Variants in CCNI observed in about 807,000 individuals in gnomAD.
CCNI encodes cyclin I.
In CCNI, 14 loss-of-function variants were observed where a neutral mutation model predicts 34.1. The ratio of observed to expected loss-of-function variants is 0.41; its 90% CI spans 0.27 to 0.64. The LOEUF (loss-of-function observed/expected upper bound fraction) is 0.64. Among genes scored for constraint, CCNI ranks in the 30% least tolerant of loss-of-function variants. The pLI is 0.31. For missense variants in CCNI, 385 were observed against 440.5 expected (o/e 0.87, Z 1.13); for synonymous variants, 154 against 158.4 (o/e 0.97, Z 0.21).
At chr4:77,063,177 G>A (rs1286849338) in intron 2 of CCNI, among the ~76,000 whole-genome samples, 1 of 152,054 alleles carries the variant, frequency 6.6e-6, no homozygotes, top group Admixed American at 6.6e-5. Flanking sequence ...AATTAAACAA[G>A]AATTATGTGA....
chr4:77,056,690 T>C (rs771273853), intron 3 of CCNI, among the ~76,000 whole-genome samples: 7 of 150,936 alleles, frequency 4.6e-5, no homozygotes, highest in African/African-American at 9.7e-5. Flanking sequence ...CCTGGGTTCA[T>C]GCCATTCTCC....
At chr4:77,053,223 A>C (rs1727987858) in intron 6 of CCNI, among the ~76,000 whole-genome samples, 1 of 152,152 alleles carries the variant, frequency 6.6e-6, no homozygotes, top group Admixed American at 6.5e-5. Flanking sequence ...AAAGGGTTCC[A>C]CTTCTAAAAC....
chr4:77,058,689 G>T, intron 2 of CCNI, 54 bp from the exon 3 acceptor site: 4 of 1,516,164 alleles, frequency 2.6e-6, no homozygotes, highest in Non-Finnish European at 3.6e-6. Flanking sequence ...ATCATCAAGA[G>T]TATGTTTAGA....
chr4:77,048,224 T>C lies in CCNI; in HGVS notation c.1129A>G (p.Met377Val). 1 of 1,612,536 alleles carries C rather than the reference T, an allele frequency of 6.2e-7. No homozygotes were observed. The highest frequency in any genetic ancestry group is 8.5e-7 in the Non-Finnish European group (1 of 1,179,032). Residue 377 changes from methionine (M) to valine (V), a missense_variant, in exon 7 of 7, where the codon ATG becomes GTG. Met to Val is a conservative substitution (Grantham distance 21). This residue lies in a region of CCNI where 250 missense variants were observed against 248.7 expected (regional missense o/e 1.01). Coordinates refer to ENST00000237654, the MANE Select transcript of CCNI (RefSeq NM_006835.3). The part of the protein sequence containing the change: ...PCPPLQPVSV[M>V] ...AAAGGTAGCACTTGTTGAAACTACATGACAGAAACAGGCTGCAAAGGTGGA... is the reference window on the plus strand; with the variant it reads ...AAAGGTAGCACTTGTTGAAACTACACGACAGAAACAGGCTGCAAAGGTGGA...
chr4:77,055,454 T>A, intron 5 of CCNI, 74 bp from the exon 6 acceptor site: 28 of 907,892 alleles, frequency 3.1e-5, no homozygotes, highest in Non-Finnish European at 4.6e-5. Flanking sequence ...TGATGCAACC[T>A]ATTCAATTTC....
Position 77,048,664 on chromosome 4 carries a change from T to G in CCNI, c.691-2A>C. Reference sequence around the variant, plus strand: ...ATGGATCAACTGGGAGCTATCCATCTGGGCCAGGAAAAAAAAAAAGCCACA... The same window carrying G: ...ATGGATCAACTGGGAGCTATCCATCGGGGCCAGGAAAAAAAAAAAGCCACA... On this transcript the variant is annotated splice_acceptor_variant, in intron 6 of 6. Transcript: ENST00000237654. LOFTEE classifies it high-confidence loss of function. The G allele has an allele frequency of 6.6e-7, 1 of 1,511,654 alleles. No homozygotes were observed. Among genetic ancestry groups the G allele is most frequent in the Non-Finnish European group, 8.8e-7 (1 of 1,131,514 alleles). 93.6% of individuals were successfully genotyped at this position (1,511,654 alleles called of 1,614,324 possible).
Position 77,048,004 on chromosome 4 carries a change from T to G in CCNI, c.*215A>C. 2.4e-6 allele frequency: 1 copy of G among 419,350 alleles called. No individual in the cohort carries two copies. Among genetic ancestry groups the G allele is most frequent in the Non-Finnish European group, 4.2e-6 (1 of 237,480 alleles). 26.0% of individuals were successfully genotyped at this position (419,350 alleles called of 1,614,324 possible). A position where few individuals can be genotyped will look rare whatever the true frequency, so the allele number is the denominator to read the frequency against. ...AAGTTTAAAAAAAGTTTGGATCTTT[T>G]GGATTTCTTTTTTTTTTTTTTGGTC... is the stretch of plus-strand genomic sequence containing the variant. On this transcript the variant is annotated 3_prime_UTR_variant, in exon 7 of 7. Coordinates refer to ENST00000237654, the MANE Select transcript of CCNI (RefSeq NM_006835.3).
chr4:77,048,128 T>C lies in CCNI; in HGVS notation c.*91A>G. ...CACTCCAAATCAGCCTGTTAAGGTA[T>C]ATTTCCTTCTACAGCCTTTCCTGAT... On this transcript the variant is annotated 3_prime_UTR_variant, in exon 7 of 7. Transcript: ENST00000237654. 1.1e-6 allele frequency: 1 copy of C among 908,746 alleles called. No individual in the cohort carries two copies. The highest frequency in any genetic ancestry group is 1.7e-6 in the Non-Finnish European group (1 of 589,656). 56.3% of individuals were successfully genotyped at this position (908,746 alleles called of 1,614,324 possible). A position where few individuals can be genotyped will look rare whatever the true frequency, so the allele number is the denominator to read the frequency against.
intron 6 of CCNI, 134 bp downstream of exon 6, chr4:77,055,016 A>G: frequency 1.7e-6 from 1 of 596,096 alleles, no homozygotes; most frequent in Non-Finnish European, 3.0e-6. Context: ...TTTAAAATAT[A>G]TACTTTACTC....
chr4:77,074,552 T>A (rs921397401), intron 1 of CCNI, among the ~76,000 whole-genome samples: 4 of 152,168 alleles, frequency 2.6e-5, no homozygotes, highest in African/African-American at 9.7e-5. Flanking sequence ...AAAGTTAATC[T>A]TGTGGAGTCT....
Position 77,053,204 on chromosome 4 carries a change from G to A in CCNI, c.690+1946C>T, listed in dbSNP as rs113410060. 4.9e-3 allele frequency among the ~76,000 whole-genome samples: 743 copies of A among 152,218 alleles called. 5 individuals carry two copies. The highest frequency in any genetic ancestry group is 0.017 in the African/African-American group (700 of 41,524). On this transcript the variant is annotated intron_variant, in intron 6 of 6. Transcript: ENST00000237654. ...TGTACAAGATTTTCTTTGGGGAAGG[G>A]GGACTGGGAAAGGGTTCCACTTCTA...
At chr4:77,053,739 GCCTATT>G (rs1392546098) in intron 6 of CCNI, among the ~76,000 whole-genome samples, 1 of 152,114 alleles carries the variant, frequency 6.6e-6, no homozygotes, top group African/African-American at 2.4e-5. Flanking sequence ...TTTCTATTAA[GCCTATT>G]CCTCTACTTC....
intron 1 of CCNI, among the ~76,000 whole-genome samples, chr4:77,074,358 TTCCG>T (rs1729733761): frequency 6.6e-6 from 1 of 152,224 alleles, no homozygotes; most frequent in African/African-American, 2.4e-5. Context: ...TCTACATCTA[TTCCG>T]TCCATTATTT....
At chr4:77,061,179 A>G (rs983272408) in intron 2 of CCNI, among the ~76,000 whole-genome samples, 1 of 152,246 alleles carries the variant, frequency 6.6e-6, no homozygotes, top group South Asian at 2.1e-4. Flanking sequence ...TAACAGTTTA[A>G]GAAGACTCAA....
intron 1 of CCNI, among the ~76,000 whole-genome samples, chr4:77,074,062 G>A (rs1729702907): frequency 6.6e-6 from 1 of 151,950 alleles, no homozygotes; most frequent in South Asian, 2.1e-4. Context: ...TTTTAAAGAC[G>A]AAGAAACATA....
Position 77,070,680 on chromosome 4 carries a change from A to G in CCNI, c.-43-4275T>C, listed in dbSNP as rs181664227. ...CACTATAATTTCTTCTAATGCAGAC[A>G]TAAGTATTAACACTAGAAACGGAAT... On this transcript the variant is annotated intron_variant, in intron 1 of 6. Transcript: ENST00000237654. Among the ~76,000 whole-genome samples the G allele has an allele frequency of 8.8e-4, 134 of 152,278 alleles. 2 individuals are homozygous for G. Among genetic ancestry groups the G allele is most frequent in the African/African-American group, 2.8e-3 (118 of 41,562 alleles).
At chr4:77,068,155 C>T (rs370714106) in intron 1 of CCNI, among the ~76,000 whole-genome samples, 21 of 151,880 alleles carry the variant, frequency 1.4e-4, no homozygotes, top group Non-Finnish European at 2.4e-4. Flanking sequence ...TCCAGCCTGG[C>T]GACAGAGCAA....
At chr4:77,071,600 T>A (rs1362841153) in intron 1 of CCNI, among the ~76,000 whole-genome samples, 1 of 152,162 alleles carries the variant, frequency 6.6e-6, no homozygotes, top group Non-Finnish European at 1.5e-5. Context: ...TGGACAAACC[T>A]TTAGCCAGCT....
intron 1 of CCNI, among the ~76,000 whole-genome samples, chr4:77,070,208 G>A (rs4252805): frequency 0.016 from 2,365 of 151,906 alleles, 63 homozygotes; most frequent in African/African-American, 0.053. Flanking sequence ...AGTAGAGGCA[G>A]GTTTTACCAT....
Sources: allele counts gnomAD v4.1 joint callset (sites outside exome capture counted in the v4.1 genomes callset), GRCh38; gene constraint gnomAD v4.1.1; regional missense constraint gnomAD v4.1.1; transcripts MANE v1.5; gene names NCBI Gene and HGNC (gene_info 2026-07-23, HGNC 2026-07-21).